DLG2: variants seen among roughly 807,000 people sequenced by gnomAD.
The protein encoded by DLG2 is discs large MAGUK scaffold protein 2, also known as disks large homolog 2.
Under a neutral mutation model 132.5 loss-of-function variants are expected in DLG2, and 45 were observed. The observed-to-expected ratio is 0.34, with a 90% CI of 0.27 to 0.44. The LOEUF (loss-of-function observed/expected upper bound fraction) is 0.44, where lower values mean the gene tolerates loss of function less well. Among genes scored for constraint, DLG2 ranks in the 20% least tolerant of loss-of-function variants. The pLI, the probability that DLG2 is intolerant of heterozygous loss-of-function variation, is 1.00. For missense variants in DLG2, 1,045 were observed against 1,196.9 expected, an observed-to-expected ratio of 0.87 and a Z score of 1.87; for synonymous variants, 424 against 419.6, an observed-to-expected ratio of 1.01 and a Z score of -0.13.
chr11:84,506,079 C>CTTT lies in DLG2; in HGVS notation c.519+28488_519+28490dup, dbSNP rs779039240. Among the ~76,000 whole-genome samples the CTTT allele has an allele frequency of 9.3e-5, 10 of 107,030 alleles. 1 individual carries two copies. The highest frequency in any genetic ancestry group is 2.0e-4 in the African/African-American group (4 of 19,742). 70.2% of individuals were successfully genotyped at this position (107,030 alleles called of 152,430 possible). A position where few individuals can be genotyped will look rare whatever the true frequency, so the allele number is the denominator to read the frequency against. Reference sequence around the variant, plus strand: ...CTAATGTTATGACAGAGGCTCAGTTCTTTTTTTTTTTTTTGAGACGGAGTC... The same window carrying CTTT: ...CTAATGTTATGACAGAGGCTCAGTTCTTTTTTTTTTTTTTTTTGAGACGGAGTC... On this transcript the variant is annotated intron_variant, in intron 7 of 27. Transcript: ENST00000376104.
At position 84,752,866 on chromosome 11, in the gene DLG2, A is replaced by G. The variant is rs576027080; in HGVS notation, c.358-218135T>C. ...AGTTTACTGAGAATGATGGTTTCCA[A>G]TTTCATCCATGTCCCTACAAAGGAC... On this transcript the variant is annotated intron_variant, in intron 6 of 27. Transcript: ENST00000376104. 1.8e-4 allele frequency among the ~76,000 whole-genome samples: 27 copies of G among 150,132 alleles called. No individual in the cohort carries two copies. The South Asian group carries it at 1.9e-3, about 11-fold the overall frequency.
At chr11:84,531,009 A>G (rs911643673) in intron 7 of DLG2, among the ~76,000 whole-genome samples, 3 of 152,088 alleles carry the variant, frequency 2.0e-5, no homozygotes, top group Non-Finnish European at 4.4e-5. Flanking sequence ...CCAGCTACTC[A>G]GGAGGCTGAG....
At chr11:83,813,258 AC>A (rs1427627725) in intron 17 of DLG2, among the ~76,000 whole-genome samples, 1 of 152,182 alleles carries the variant, frequency 6.6e-6, no homozygotes, top group African/African-American at 2.4e-5. Context: ...CAAGGGAAAT[AC>A]TTTTGAATGC....
chr11:84,592,792 T>C (rs886452989), intron 6 of DLG2, among the ~76,000 whole-genome samples: 2 of 150,658 alleles, frequency 1.3e-5, no homozygotes, highest in Non-Finnish European at 3.0e-5. Flanking sequence ...GTTAGAATAG[T>C]GATCATTAAA....
At chr11:85,486,790 G>GC (rs1207046933) in intron 3 of DLG2, among the ~76,000 whole-genome samples, 2 of 151,166 alleles carry the variant, frequency 1.3e-5, no homozygotes, top group African/African-American at 2.4e-5. Flanking sequence ...CACAAGCCTG[G>GC]CCCCCCCTGC....
chr11:85,019,071 C>T (rs1197156872), intron 6 of DLG2, among the ~76,000 whole-genome samples: 1 of 152,138 alleles, frequency 6.6e-6, no homozygotes, highest in African/African-American at 2.4e-5. Context: ...AGGAGCCACT[C>T]AACTAAATGA....
intron 6 of DLG2, among the ~76,000 whole-genome samples, chr11:84,635,676 A>G (rs1279308465): frequency 6.6e-6 from 1 of 152,190 alleles, no homozygotes; most frequent in Non-Finnish European, 1.5e-5. Context: ...TAGGCACTAT[A>G]CTAAGCCTTC....
At chr11:84,328,541 T>A (rs868327008) in intron 7 of DLG2, among the ~76,000 whole-genome samples, 1 of 152,192 alleles carries the variant, frequency 6.6e-6, no homozygotes, top group Non-Finnish European at 1.5e-5. Flanking sequence ...GAATTTGTAA[T>A]GCAATCATAA....
At chr11:84,477,249 C>G (rs1482372728) in intron 7 of DLG2, among the ~76,000 whole-genome samples, 1 of 151,998 alleles carries the variant, frequency 6.6e-6, no homozygotes, top group Non-Finnish European at 1.5e-5. Context: ...AATCCCAGCT[C>G]TTTGGGAGGC....
At chr11:85,094,525 C>A (rs979544304) in intron 6 of DLG2, among the ~76,000 whole-genome samples, 2 of 152,340 alleles carry the variant, frequency 1.3e-5, no homozygotes, top group South Asian at 4.1e-4. Context: ...TCTGTATCCA[C>A]TCTTGCTTCT....
At chr11:84,329,404 G>A (rs973516321) in intron 7 of DLG2, among the ~76,000 whole-genome samples, 8 of 152,104 alleles carry the variant, frequency 5.3e-5, no homozygotes, top group African/African-American at 1.4e-4. Flanking sequence ...CATGGGGGCA[G>A]CTACTTTCAT....
At chr11:85,616,953 A>G (rs978400332) in intron 2 of DLG2, among the ~76,000 whole-genome samples, 9 of 152,212 alleles carry the variant, frequency 5.9e-5, no homozygotes, top group Non-Finnish European at 1.3e-4. Flanking sequence ...GTCAGAAGTA[A>G]GCTGTTTTAT....
At chr11:85,272,767 T>C (rs1047504271) in intron 4 of DLG2, among the ~76,000 whole-genome samples, 1 of 152,006 alleles carries the variant, frequency 6.6e-6, no homozygotes, top group Non-Finnish European at 1.5e-5. Flanking sequence ...AAAGTTCATA[T>C]GGAACCAAAA....
intron 6 of DLG2, among the ~76,000 whole-genome samples, chr11:84,591,424 T>C (rs2154530667): frequency 6.6e-6 from 1 of 151,946 alleles, no homozygotes; most frequent in Admixed American, 6.6e-5. Context: ...CCCAGGACTT[T>C]GGGAGGCAGA....
rs188349427 is a variant in DLG2, at chr11:84,267,851, C to T, written c.520-16560G>A. ...CACCATTGTCAACCTGTAGGTCAGG[C>T]CACACATAGCAGGGACAATTAAGCC... On this transcript the variant is annotated intron_variant, in intron 7 of 27. Coordinates refer to ENST00000376104, the MANE Select transcript of DLG2 (RefSeq NM_001142699.3). Among the ~76,000 whole-genome samples, 515 of 152,292 alleles carry T rather than the reference C, an allele frequency of 3.4e-3. 9 individuals carry two copies. The highest frequency in any genetic ancestry group is 2.1e-3 in the Non-Finnish European group (141 of 68,030).
chr11:85,345,019 A>G (rs1164066100), intron 3 of DLG2, among the ~76,000 whole-genome samples: 1 of 151,988 alleles, frequency 6.6e-6, no homozygotes, highest in Non-Finnish European at 1.5e-5. Flanking sequence ...TAGTAACTCA[A>G]TACGGTTGGT....
chr11:84,481,467 A>G (rs1038230861), intron 7 of DLG2, among the ~76,000 whole-genome samples: 3 of 152,146 alleles, frequency 2.0e-5, no homozygotes, highest in African/African-American at 4.8e-5. Context: ...ATGAGAAAAT[A>G]GTAGTACTTA....
chr11:85,530,064 T>C (rs1341607938), intron 3 of DLG2, among the ~76,000 whole-genome samples: 1 of 144,904 alleles, frequency 6.9e-6, no homozygotes, highest in East Asian at 2.2e-4. Flanking sequence ...TGGCACAATC[T>C]CACCTCACCA....
chr11:84,536,151 A>G (rs1220448236), intron 6 of DLG2, among the ~76,000 whole-genome samples: 1 of 152,148 alleles, frequency 6.6e-6, no homozygotes, highest in Non-Finnish European at 1.5e-5. Context: ...CTCAACAAAA[A>G]TAACAATGCC....
Sources: allele counts gnomAD v4.1 joint callset (sites outside exome capture counted in the v4.1 genomes callset), GRCh38; gene constraint gnomAD v4.1.1; transcripts MANE v1.5; gene names NCBI Gene and HGNC (gene_info 2026-07-23, HGNC 2026-07-21).